The following PPM1D variants were observed in gnomAD, a reference collection of about 807,000 sequenced individuals.
The protein encoded by PPM1D is protein phosphatase, Mg2+/Mn2+ dependent 1D.
Under a neutral mutation model 58.3 loss-of-function variants are expected in PPM1D, and 52 were observed. That is an observed-to-expected ratio of 0.89 (90% CI 0.71 to 1.12). PPM1D has a LOEUF of 1.12. Among genes scored for constraint, PPM1D ranks in the 50% most tolerant of loss-of-function variants. The pLI is 0.00. For missense variants in PPM1D, 564 were observed against 777.2 expected (o/e 0.73, Z 3.26); for synonymous variants, 278 against 285.1 (o/e 0.98, Z 0.25).
At chr17:60,659,943 G>C (rs1190190991) in intron 5 of PPM1D, among the ~76,000 whole-genome samples, 3 of 152,216 alleles carry the variant, frequency 2.0e-5, no homozygotes, top group Non-Finnish European at 4.4e-5. Flanking sequence ...TGGGTGTGGT[G>C]GCTCACGCCT....
intron 1 of PPM1D, among the ~76,000 whole-genome samples, chr17:60,613,665 C>T (rs989485631): frequency 1.0e-3 from 153 of 152,354 alleles, no homozygotes; most frequent in Admixed American, 1.7e-3. Flanking sequence ...TGGGCCAGCG[C>T]GAGTTCCAGG....
intron 3 of PPM1D, among the ~76,000 whole-genome samples, chr17:60,634,642 T>C (rs1173389534): frequency 6.6e-6 from 1 of 152,088 alleles, no homozygotes; most frequent in Non-Finnish European, 1.5e-5. Context: ...AAAATAACTA[T>C]GAAAAAAATA....
At chr17:60,613,738 G>GT (rs1219315456) in intron 1 of PPM1D, among the ~76,000 whole-genome samples, 1 of 152,244 alleles carries the variant, frequency 6.6e-6, no homozygotes, top group African/African-American at 2.4e-5. Flanking sequence ...GCCGCAGGCA[G>GT]TGAGGGGCTT....
At position 60,663,446 on chromosome 17, in the gene PPM1D, A is replaced by G; in HGVS notation, c.1712A>G (p.Gln571Arg). ...CCTGCAAGTCTCCCCACAACCTCAC[A>G]GCGAAAGAACTCTGTTAAACTCACC... ...AQPASLPTTS[Q>R]RKNSVKLTMR... Residue 571 changes from glutamine to arginine, a missense_variant, in exon 6 of 6, where the codon CAG becomes CGG. By Grantham distance (43) the Gln-to-Arg change is conservative (BLOSUM62 1). Around this residue, in one of 7 missense-constraint regions of PPM1D, gnomAD observed 261 missense variants for 270.1 expected, o/e 0.97. Transcript: ENST00000305921. 6.2e-7 allele frequency: 1 copy of G among 1,614,200 alleles called. No homozygotes were observed. The highest frequency in any genetic ancestry group is 8.5e-7 in the Non-Finnish European group (1 of 1,180,046).
At chr17:60,623,894 C>A in intron 2 of PPM1D, 145 bp downstream of exon 2, 1 of 728,374 alleles carries the variant, frequency 1.4e-6, no homozygotes, top group Non-Finnish European at 2.2e-6. Flanking sequence ...ATGTAATACT[C>A]ATGTATGTAT....
At chr17:60,634,406 A>G (rs2030984408) in intron 3 of PPM1D, among the ~76,000 whole-genome samples, 1 of 152,300 alleles carries the variant, frequency 6.6e-6, no homozygotes, top group South Asian at 2.1e-4. Flanking sequence ...CTCTAAAAAA[A>G]AGCCTAATTG....
At chr17:60,633,217 G>A (rs1014183869) in intron 2 of PPM1D, among the ~76,000 whole-genome samples, 8 of 152,052 alleles carry the variant, frequency 5.3e-5, no homozygotes, top group Non-Finnish European at 1.2e-4. Context: ...CCCAGGAGGT[G>A]GAGGTTGTGG....
intron 2 of PPM1D, among the ~76,000 whole-genome samples, chr17:60,629,370 A>G (rs1020836115): frequency 6.6e-6 from 1 of 152,220 alleles, no homozygotes; most frequent in East Asian, 1.9e-4. Context: ...CAACTGAGCC[A>G]TCACTTGGGA....
chr17:60,607,047 T>A (rs545085826), intron 1 of PPM1D, among the ~76,000 whole-genome samples: 1 of 151,706 alleles, frequency 6.6e-6, no homozygotes, highest in East Asian at 1.9e-4. Flanking sequence ...CCCAGGGTGG[T>A]TCCTTACCCT....
In PPM1D at chr17:60,656,685, T is replaced by C; in HGVS notation, c.1104T>C (p.Thr368=). The change falls in exon 5 of 6, where the codon ACT becomes ACC. Residue 368 remains threonine (T), a synonymous_variant. Coordinates refer to ENST00000305921, the MANE Select transcript of PPM1D (RefSeq NM_003620.4). ...WRQRMLRADN[T]SAIVICISPE... ...AGCGTATGCTCCGAGCAGATAACACTAGTGCCATAGTAATCTGCATCTCTC... is the reference window on the plus strand; with the variant it reads ...AGCGTATGCTCCGAGCAGATAACACCAGTGCCATAGTAATCTGCATCTCTC... 2 of 1,614,156 alleles carry C rather than the reference T, an allele frequency of 1.2e-6. No homozygotes were observed. Among genetic ancestry groups the C allele is most frequent in the Non-Finnish European group, 1.7e-6 (2 of 1,180,026 alleles).
intron 4 of PPM1D, among the ~76,000 whole-genome samples, chr17:60,654,513 CA>C (rs2031399242): frequency 6.8e-6 from 1 of 146,956 alleles, no homozygotes; most frequent in East Asian, 2.1e-4. Context: ...CAAAAAACAA[CA>C]AACAAAATTT....
At chr17:60,616,634 C>T (rs1396274117) in intron 1 of PPM1D, among the ~76,000 whole-genome samples, 6 of 151,904 alleles carry the variant, frequency 3.9e-5, no homozygotes, top group Non-Finnish European at 8.8e-5. Flanking sequence ...TTGAGGGATA[C>T]TTAAACTACC....
intron 4 of PPM1D, among the ~76,000 whole-genome samples, chr17:60,651,624 C>T (rs1286069037): frequency 6.6e-6 from 1 of 152,060 alleles, no homozygotes; most frequent in Non-Finnish European, 1.5e-5. Flanking sequence ...TCTCCATCTC[C>T]TGACCTCATG....
intron 1 of PPM1D, among the ~76,000 whole-genome samples, chr17:60,615,674 A>AC (rs1598401258): frequency 2.1e-5 from 3 of 139,856 alleles, no homozygotes; most frequent in African/African-American, 8.2e-5. Context: ...TTTTCTTTTT[A>AC]CTTTTTTTTT....
In PPM1D at chr17:60,600,664, G is replaced by A; in HGVS notation, c.250G>A (p.Ala84Thr). The change falls in exon 1 of 6, where the codon GCC becomes ACC. Residue 84 changes from alanine to threonine, a missense_variant. Around this residue, in one of 7 missense-constraint regions of PPM1D, gnomAD observed 132 missense variants for 150.4 expected, o/e 0.88. Transcript: ENST00000305921. ...TCGCGACCCTCTCCCGGACGCCGGG[G>A]CCTCGCCGGCACCTAGCCGCTGCTG... ...EARDPLPDAG[A>T]SPAPSRCCRR... 6.4e-7 allele frequency: 1 copy of A among 1,553,634 alleles called. No individual in the cohort carries two copies. The highest frequency in any genetic ancestry group is 8.7e-7 in the Non-Finnish European group (1 of 1,153,294).
intron 1 of PPM1D, among the ~76,000 whole-genome samples, chr17:60,608,102 A>G (rs951114286): frequency 1.3e-5 from 2 of 152,182 alleles, no homozygotes; most frequent in Non-Finnish European, 2.9e-5. Context: ...CTCATAAATT[A>G]TACGTTCTGA....
chr17:60,663,756 G>A lies in PPM1D; in HGVS notation c.*204G>A. ...TGTAGATGTTAGGGTATAAGTTGCT[G>A]TAAAATTTGTGTAAATTTGTATCCA... On this transcript the variant is annotated 3_prime_UTR_variant, in exon 6 of 6. Transcript: ENST00000305921. 1.8e-6 allele frequency: 1 copy of A among 561,392 alleles called. No homozygotes were observed. Among genetic ancestry groups the A allele is most frequent in the Non-Finnish European group, 3.1e-6 (1 of 326,570 alleles). The allele number at this position is 561,392 out of a possible 1,614,324, so 34.8% of individuals were successfully genotyped here. A position where few individuals can be genotyped will look rare whatever the true frequency, so the allele number is the denominator to read the frequency against.
chr17:60,602,057 G>C (rs1388345054), intron 1 of PPM1D, among the ~76,000 whole-genome samples: 1 of 152,192 alleles, frequency 6.6e-6, no homozygotes, highest in African/African-American at 2.4e-5. Flanking sequence ...TAGATTAGCC[G>C]GTTTCAAAGT....
chr17:60,637,845 G>T (rs1007424167), intron 3 of PPM1D, among the ~76,000 whole-genome samples: 3 of 152,202 alleles, frequency 2.0e-5, no homozygotes, highest in African/African-American at 7.2e-5. Context: ...ACAACTAACA[G>T]CTGTAAGTCA....
Sources: gnomAD v4.1 joint callset for allele counts (sites outside exome capture counted in the v4.1 genomes callset) on GRCh38, gnomAD v4.1.1 for gene constraint, gnomAD v4.1.1 regional missense constraint, MANE v1.5 for transcripts, NCBI Gene and HGNC (gene_info 2026-07-23, HGNC 2026-07-21) for gene names.